The following UGT1A8 variants were observed in gnomAD, a reference collection of about 807,000 sequenced individuals.
UGT1A8 encodes UDP-glucuronosyltransferase 1A8.
Under a neutral mutation model 45.3 loss-of-function variants are expected in UGT1A8, and 39 were observed. The observed-to-expected ratio is 0.86, with a 90% CI of 0.67 to 1.12. The LOEUF is 1.12. UGT1A8 is among the 50% of genes most tolerant of loss of function. The pLI, the probability that UGT1A8 is intolerant of heterozygous loss-of-function variation, is 0.00. For missense variants in UGT1A8, 719 were observed against 664.9 expected (o/e 1.08, Z -0.90); for synonymous variants, 275 against 249.2 (o/e 1.10, Z -0.97).
In UGT1A8 at chr2:233,747,480, G is replaced by C. The variant is rs1693691129; in HGVS notation, c.856-19554G>C. On this transcript the variant is annotated intron_variant, in intron 1 of 4. Transcript: ENST00000373450. ...CATTTCATGGACCCAGGATGAATTT[G>C]ATCGCCTTGTGCTGGGCCACACTCA... is the stretch of plus-strand genomic sequence containing the variant. 6 of 1,608,868 alleles carry C rather than the reference G, an allele frequency of 3.7e-6. No homozygotes were observed. The South Asian group carries it at 5.5e-5, about 15-fold the overall frequency.
At chr2:233,755,133 A>C (rs576279774) in intron 1 of UGT1A8, 1 of 1,319,072 alleles carries the variant, frequency 7.6e-7, no homozygotes, top group Admixed American at 1.9e-5. Flanking sequence ...CACCTGCTTG[A>C]ATCTTCTCAC....
intron 1 of UGT1A8, among the ~76,000 whole-genome samples, chr2:233,655,803 C>T (rs938967333): frequency 7.9e-5 from 12 of 152,190 alleles, no homozygotes; most frequent in Non-Finnish European, 1.0e-4. Context: ...CTTTGAGCCC[C>T]AGCCATTCTC....
intron 1 of UGT1A8, chr2:233,692,193 G>C (rs1481987311): frequency 1.3e-5 from 2 of 152,356 alleles, no homozygotes. Flanking sequence ...GGTTGCTGAA[G>C]GTGTGGAGGG....
intron 1 of UGT1A8, among the ~76,000 whole-genome samples, chr2:233,653,330 C>T (rs1184501294): frequency 1.3e-5 from 2 of 152,126 alleles, no homozygotes; most frequent in African/African-American, 2.4e-5. Flanking sequence ...TCTTTGCAAG[C>T]GTAAACCCTC....
intron 1 of UGT1A8, 112 bp from the exon 2 acceptor site, chr2:233,766,922 G>C (rs955173337): frequency 6.4e-7 from 1 of 1,559,654 alleles, no homozygotes; most frequent in Non-Finnish European, 8.6e-7. Flanking sequence ...TCTCAAACAC[G>C]CATGCCTTTA....
At chr2:233,760,299 G>T (rs781590934) in intron 1 of UGT1A8, 2 of 1,613,582 alleles carry the variant, frequency 1.2e-6, no homozygotes, top group East Asian at 2.2e-5. Context: ...TGGCTGTGGA[G>T]TCCCAGGGCG....
At chr2:233,761,217 A>G (rs1266306783) in intron 1 of UGT1A8, 2 of 1,613,598 alleles carry the variant, frequency 1.2e-6, no homozygotes, top group Non-Finnish European at 1.7e-6. Flanking sequence ...GGATCGATTA[A>G]CTAGCCCCAG....
chr2:233,703,154 T>C (rs867081835), intron 1 of UGT1A8, among the ~76,000 whole-genome samples: 24 of 152,318 alleles, frequency 1.6e-4, no homozygotes, highest in African/African-American at 4.8e-4. Context: ...ATTTTGTATT[T>C]CTTCTTGATT....
chr2:233,711,262 C>T lies in UGT1A8; in HGVS notation c.856-55772C>T, dbSNP rs1462480492. 2.6e-5 allele frequency among the ~76,000 whole-genome samples: 4 copies of T among 152,312 alleles called. No individual in the cohort carries two copies. The East Asian group carries it at 7.7e-4, about 29-fold the overall frequency. On this transcript the variant is annotated intron_variant, in intron 1 of 4. Coordinates refer to ENST00000373450, the MANE Select transcript of UGT1A8 (RefSeq NM_019076.5). ...CCATCTTCCAAGATACATGGGCCTC[C>T]CCAGGGTCTAGGAGTCCTAGACGTG... is the stretch of plus-strand genomic sequence containing the variant.
chr2:233,729,228 G>C (rs752170717), intron 1 of UGT1A8: 18 of 1,614,046 alleles, frequency 1.1e-5, no homozygotes, highest in Non-Finnish European at 1.5e-5. Context: ...TGTTGGTGGT[G>C]CCCATTGATG....
chr2:233,684,285 C>T (rs1300653684), intron 1 of UGT1A8, among the ~76,000 whole-genome samples: 1 of 152,198 alleles, frequency 6.6e-6, no homozygotes, highest in African/African-American at 2.4e-5. Context: ...ACATGACTTT[C>T]AGCTCTTGGC....
chr2:233,772,103 A>G (rs1436143050), intron 4 of UGT1A8, among the ~76,000 whole-genome samples, 159 bp from the exon 5 acceptor site: 1 of 152,162 alleles, frequency 6.6e-6, no homozygotes, highest in East Asian at 1.9e-4. Context: ...ACAGGGCAAG[A>G]CTCTGTATCT....
At chr2:233,668,596 G>T (rs2125497492) in intron 1 of UGT1A8, among the ~76,000 whole-genome samples, 1 of 152,296 alleles carries the variant, frequency 6.6e-6, no homozygotes, top group South Asian at 2.1e-4. Context: ...GGGTCAAATG[G>T]TATTTCTAGT....
At chr2:233,750,620 T>A (rs1476116797) in intron 1 of UGT1A8, 1 of 151,688 alleles carries the variant, frequency 6.6e-6, no homozygotes, top group Non-Finnish European at 1.5e-5. Flanking sequence ...GTGGGCTGGG[T>A]CCATGCTCCC....
rs113744273 is a variant in UGT1A8 at position 233,645,853 on chromosome 2, G to A, written c.855+27291G>A. ...GTGGACCTACCATTCTGAGGTGGAG[G>A]GATGGTGGCCCTCTTCTCACAGTTC... On this transcript the variant is annotated intron_variant, in intron 1 of 4. Coordinates refer to ENST00000373450, the MANE Select transcript of UGT1A8 (RefSeq NM_019076.5). Among the ~76,000 whole-genome samples the A allele has an allele frequency of 3.0e-3, 458 of 152,262 alleles. 1 individual carries two copies. The highest frequency in any genetic ancestry group is 4.5e-3 in the Non-Finnish European group (307 of 68,016).
intron 1 of UGT1A8, among the ~76,000 whole-genome samples, chr2:233,627,159 TTG>T (rs1393339163): frequency 6.6e-6 from 1 of 152,070 alleles, no homozygotes; most frequent in African/African-American, 2.4e-5. Context: ...TAAATGTCTT[TTG>T]TGTCATCTTG....
Position 233,744,237 on chromosome 2 carries a change from T to C in UGT1A8, c.856-22797T>C, listed in dbSNP as rs1220461600. On this transcript the variant is annotated intron_variant, in intron 1 of 4. Coordinates refer to ENST00000373450, the MANE Select transcript of UGT1A8 (RefSeq NM_019076.5). ...GTTGGGGAAAAGAGAGGGCCTTGACTTTGGCTGCCTGAAGAACTGTTTTTC... is the reference window on the plus strand; with the variant it reads ...GTTGGGGAAAAGAGAGGGCCTTGACCTTGGCTGCCTGAAGAACTGTTTTTC... Among the ~76,000 whole-genome samples, 6 of 151,784 alleles carry C rather than the reference T, an allele frequency of 4.0e-5. 1 individual carries two copies. Among genetic ancestry groups the C allele is most frequent in the African/African-American group, 1.5e-4 (6 of 41,066 alleles).
At chr2:233,644,845 G>A (rs1170804615) in intron 1 of UGT1A8, among the ~76,000 whole-genome samples, 1 of 152,198 alleles carries the variant, frequency 6.6e-6, no homozygotes. Context: ...GCTCACCTGA[G>A]TTTTGGTTCT....
chr2:233,671,527 T>C (rs1261224950), intron 1 of UGT1A8, among the ~76,000 whole-genome samples: 2 of 152,188 alleles, frequency 1.3e-5, no homozygotes, highest in Admixed American at 6.5e-5. Context: ...CAGAGAGTAT[T>C]TGGTTGCCTA....
Sources: allele counts gnomAD v4.1 joint callset (sites outside exome capture counted in the v4.1 genomes callset), GRCh38; gene constraint gnomAD v4.1.1; transcripts MANE v1.5; gene names NCBI Gene and HGNC (gene_info 2026-07-23, HGNC 2026-07-21).